Variants in ZFHX3 observed in about 807,000 individuals in gnomAD.
The protein encoded by ZFHX3 is zinc finger homeobox protein 3.
ZFHX3 carries 42 observed loss-of-function variants against 279.1 expected under a neutral mutation model. That is an observed-to-expected ratio of 0.15 (90% confidence interval 0.12 to 0.19). The LOEUF (loss-of-function observed/expected upper bound fraction) is 0.19, where lower values mean the gene tolerates loss of function less well. Ranked by LOEUF, ZFHX3 falls within the 10% of genes least tolerant of loss-of-function variation. The pLI, the probability that ZFHX3 is intolerant of heterozygous loss-of-function variation, is 1.00. For synonymous variants in ZFHX3, 2,293 were observed against 1,957.8 expected (o/e 1.17, Z -4.52); for missense variants, 4,981 against 4,754.0 (o/e 1.05, Z -1.40).
At chr16:73,078,885 C>T in intron 8 of ZFHX3, among the ~76,000 whole-genome samples, 1 of 151,982 alleles carries the variant, frequency 6.6e-6, no homozygotes, top group East Asian at 1.9e-4. Context: ...ACCTCGTGAT[C>T]CACCTGCCTC....
chr16:73,719,894 A>C lies in ZFHX3; in HGVS notation c.-1607-39654T>G, dbSNP rs369126570. On this transcript the variant is annotated intron_variant, in intron 1 of 17. Transcript: ENST00000641206. ...GTGATCTGCCTGCCTCCGCCTCCTA[A>C]AGTTATTTCATTTAATTCTTCAAAC... Among the ~76,000 whole-genome samples the C allele has an allele frequency of 1.1e-4, 16 of 152,168 alleles. No homozygotes were observed. In the East Asian group the frequency reaches 2.3e-3, roughly 22 times the overall value.
At chr16:72,955,023 T>G (rs565893122) in intron 2 of ZFHX3, among the ~76,000 whole-genome samples, 8 of 152,320 alleles carry the variant, frequency 5.3e-5, no homozygotes, top group Non-Finnish European at 1.5e-5. Flanking sequence ...CTGAAAGTTA[T>G]GGCTGTTTTT....
chr16:73,205,889 A>G (rs1432895777), intron 5 of ZFHX3, among the ~76,000 whole-genome samples: 2 of 152,208 alleles, frequency 1.3e-5, no homozygotes, highest in Non-Finnish European at 2.9e-5. Flanking sequence ...TGCCCAGATT[A>G]TACCATCACT....
At chr16:73,192,238 C>T (rs1285240773) in intron 5 of ZFHX3, among the ~76,000 whole-genome samples, 1 of 152,132 alleles carries the variant, frequency 6.6e-6, no homozygotes, top group Admixed American at 6.5e-5. Flanking sequence ...GCAAAGCCCT[C>T]CCTGCCCCTC....
chr16:73,092,400 C>G (rs779956767), intron 8 of ZFHX3: 1 of 152,666 alleles, frequency 6.6e-6, no homozygotes, highest in African/African-American at 2.4e-5. Flanking sequence ...CCCCAGAAAA[C>G]GGAGTATTGT....
In ZFHX3 at chr16:72,786,300, C is replaced by CAATCT. The variant is rs1408065709; in HGVS notation, c.*859_*863dup. The CAATCT allele has an allele frequency of 2.7e-5, 4 of 149,378 alleles. No homozygotes were observed. Among genetic ancestry groups the CAATCT allele is most frequent in the African/African-American group, 9.9e-5 (4 of 40,338 alleles). The allele number at this position is 149,378 out of a possible 1,614,324, so 9.3% of individuals were successfully genotyped here. Reference sequence around the variant, plus strand: ...CTGCTTCAGTTCATTTCCAATGCAACAATCTACTCAACACCAAAAATGGTC... The same window carrying CAATCT: ...CTGCTTCAGTTCATTTCCAATGCAACAATCTAATCTACTCAACACCAAAAATGGTC... On this transcript the variant is annotated 3_prime_UTR_variant, in exon 10 of 10. Coordinates refer to ENST00000268489, the MANE Select transcript of ZFHX3 (RefSeq NM_006885.4).
chr16:73,269,656 C>A (rs1382368531), intron 4 of ZFHX3, among the ~76,000 whole-genome samples: 1 of 152,004 alleles, frequency 6.6e-6, no homozygotes, highest in Non-Finnish European at 1.5e-5. Context: ...GTTTTTATTT[C>A]TTTTGGGTAG....
At chr16:72,978,733 C>G (rs990282874) in intron 1 of ZFHX3, among the ~76,000 whole-genome samples, 5 of 152,214 alleles carry the variant, frequency 3.3e-5, no homozygotes, top group African/African-American at 1.2e-4. Flanking sequence ...TCCTTACAAC[C>G]AATCTCCACA....
rs1248317945 is a variant in ZFHX3 at position 73,412,884 on chromosome 16, A to C, written c.-1291+43119T>G. Among the ~76,000 whole-genome samples the C allele has an allele frequency of 2.0e-5, 3 of 152,222 alleles. No individual in the cohort carries two copies. The South Asian group carries it at 6.2e-4, about 32-fold the overall frequency. On this transcript the variant is annotated intron_variant, in intron 3 of 17. Coordinates refer to the ZFHX3 transcript ENST00000641206. ...AACGTGTTTTCTTAGGGCAAGATCT[A>C]TATCTGTCTCTCTGTGCTACGCTGT... is the stretch of plus-strand genomic sequence containing the variant.
At chr16:73,007,833 C>T (rs553202702) in intron 1 of ZFHX3, among the ~76,000 whole-genome samples, 1 of 152,278 alleles carries the variant, frequency 6.6e-6, no homozygotes, top group African/African-American at 2.4e-5. Context: ...ACAGCCATGT[C>T]ACTGGGATTT....
intron 2 of ZFHX3, among the ~76,000 whole-genome samples, chr16:73,596,599 C>A (rs1035623312): frequency 6.6e-6 from 1 of 152,172 alleles, no homozygotes; most frequent in Non-Finnish European, 1.5e-5. Flanking sequence ...CCCTCTTCAC[C>A]ACCTGTGCTC....
At chr16:73,358,412 C>A (rs2143305259) in intron 3 of ZFHX3, among the ~76,000 whole-genome samples, 1 of 152,350 alleles carries the variant, frequency 6.6e-6, no homozygotes, top group East Asian at 1.9e-4. Context: ...CGAGCGCAGC[C>A]TCTGGCCAAG....
In ZFHX3 at chr16:72,994,579, ACCTTT is replaced by A. The variant is rs1963211397; in HGVS notation, c.-49-34390_-49-34386del. On this transcript the variant is annotated intron_variant, in intron 1 of 9. Coordinates refer to ENST00000268489, the MANE Select transcript of ZFHX3 (RefSeq NM_006885.4). ...AGCCTATCCGACTCCTACCTCCTCT[ACCTTT>A]CCCCAGGTGGATGGCAGGGAGCAGC... 2.0e-5 allele frequency among the ~76,000 whole-genome samples: 3 copies of A among 152,036 alleles called. No homozygotes were observed. In the South Asian group the frequency reaches 6.2e-4, roughly 32 times the overall value.
chr16:73,566,942 G>A lies in ZFHX3; in HGVS notation c.-1546-110684C>T, dbSNP rs531496500. Among the ~76,000 whole-genome samples, 487 of 152,130 alleles carry A rather than the reference G, an allele frequency of 3.2e-3. 4 individuals carry two copies. The highest frequency in any genetic ancestry group is 0.01 in the African/African-American group (431 of 41,506). Reference sequence around the variant, plus strand: ...TCGAACTCCCAACCTCAGGTGATCCGCCTGCCTTGGCCTCCCAAAGTGTTG... The same window carrying A: ...TCGAACTCCCAACCTCAGGTGATCCACCTGCCTTGGCCTCCCAAAGTGTTG... On this transcript the variant is annotated intron_variant, in intron 2 of 17. Coordinates refer to the ZFHX3 transcript ENST00000641206.
chr16:73,592,643 A>T (rs1166507670), intron 2 of ZFHX3, among the ~76,000 whole-genome samples: 3 of 152,160 alleles, frequency 2.0e-5, no homozygotes, highest in Non-Finnish European at 4.4e-5. Flanking sequence ...GATTGACCAT[A>T]TGTCAGTAAC....
rs368337406 is a variant in ZFHX3, at chr16:73,394,109, C to G, written c.-1291+61894G>C. On this transcript the variant is annotated intron_variant, in intron 3 of 17. Transcript: ENST00000641206. ...GGATCCCATCAATTGATTTCACCAC[C>G]AGTTCCTCTGATTTATTAGGATTAA... is the stretch of plus-strand genomic sequence containing the variant. 5.3e-5 allele frequency among the ~76,000 whole-genome samples: 8 copies of G among 150,950 alleles called. No homozygotes were observed. The East Asian group carries it at 1.4e-3, about 26-fold the overall frequency.
chr16:72,852,075 A>T (rs1343248174), intron 4 of ZFHX3, among the ~76,000 whole-genome samples: 1 of 152,238 alleles, frequency 6.6e-6, no homozygotes, highest in Non-Finnish European at 1.5e-5. Context: ...TCTGTATGAA[A>T]GAGGATTATA....
At chr16:73,262,728 G>A (rs749313016) in intron 4 of ZFHX3, among the ~76,000 whole-genome samples, 9 of 152,106 alleles carry the variant, frequency 5.9e-5, no homozygotes, top group Middle Eastern at 3.2e-3. Flanking sequence ...CCCCTTTAAC[G>A]TAGTGAAAAT....
chr16:73,111,250 C>T (rs533009645), intron 7 of ZFHX3, among the ~76,000 whole-genome samples: 11 of 152,204 alleles, frequency 7.2e-5, no homozygotes, highest in South Asian at 4.1e-4. Flanking sequence ...CAGCATTTTT[C>T]TATTATCCTA....
Sources: gnomAD v4.1 joint callset for allele counts (sites outside exome capture counted in the v4.1 genomes callset) on GRCh38, gnomAD v4.1.1 for gene constraint, MANE v1.5 for transcripts, NCBI Gene and HGNC (gene_info 2026-07-23, HGNC 2026-07-21) for gene names.